CATSPER3: variants seen among roughly 807,000 people sequenced by gnomAD.
CATSPER3 encodes cation channel sperm-associated protein 3.
A neutral mutation model predicts 36.6 loss-of-function variants in CATSPER3; 23 were observed. The observed-to-expected ratio is 0.63, with a 90% CI of 0.45 to 0.89. The LOEUF (loss-of-function observed/expected upper bound fraction) is 0.89. CATSPER3 is among the 40% of genes least tolerant of loss of function. The pLI, the probability that CATSPER3 is intolerant of heterozygous loss-of-function variation, is 0.00. For synonymous variants in CATSPER3, 172 were observed against 184.1 expected, an observed-to-expected ratio of 0.93 and a Z score of 0.53; for missense variants, 474 against 503.9, an observed-to-expected ratio of 0.94 and a Z score of 0.57.
intron 2 of CATSPER3, among the ~76,000 whole-genome samples, chr5:134,977,635 C>G (rs574744788): frequency 2.0e-5 from 3 of 152,302 alleles, no homozygotes; most frequent in South Asian, 2.1e-4. Context: ...TCCATTCTCC[C>G]TGTTACTTAG....
At chr5:134,990,416 A>T (rs1370138828) in intron 2 of CATSPER3, among the ~76,000 whole-genome samples, 1 of 152,170 alleles carries the variant, frequency 6.6e-6, no homozygotes, top group African/African-American at 2.4e-5. Context: ...TAGCGTCTCC[A>T]AAGGTGGCAA....
intron 2 of CATSPER3, among the ~76,000 whole-genome samples, chr5:134,992,287 A>G (rs543507131): frequency 3.3e-5 from 5 of 152,366 alleles, no homozygotes; most frequent in Admixed American, 6.5e-5. Flanking sequence ...AAAGACTTAC[A>G]TAGACATTTC....
At chr5:135,007,714 G>A (rs1752108127) in intron 3 of CATSPER3, among the ~76,000 whole-genome samples, 1 of 152,354 alleles carries the variant, frequency 6.6e-6, no homozygotes, top group Non-Finnish European at 1.5e-5. Context: ...TCAGACACTG[G>A]TAAAGCACTG....
At chr5:134,976,648 G>A (rs969022333) in intron 2 of CATSPER3, among the ~76,000 whole-genome samples, 1 of 152,226 alleles carries the variant, frequency 6.6e-6, no homozygotes. Flanking sequence ...ACTGTGTGGG[G>A]GCTCTAGCCC....
At chr5:134,979,926 C>T (rs1751728274) in intron 2 of CATSPER3, among the ~76,000 whole-genome samples, 1 of 138,058 alleles carries the variant, frequency 7.2e-6, no homozygotes, top group African/African-American at 2.6e-5. Flanking sequence ...TTCCTCCCTC[C>T]CTCCCTCCCA....
chr5:134,989,634 G>A (rs1471386130), intron 2 of CATSPER3, among the ~76,000 whole-genome samples: 1 of 152,158 alleles, frequency 6.6e-6, no homozygotes, highest in African/African-American at 2.4e-5. Flanking sequence ...AGAGAATTAG[G>A]GCCTTGCTCT....
intron 2 of CATSPER3, 39 bp downstream of exon 2, chr5:134,970,131 A>T: frequency 6.3e-7 from 1 of 1,587,552 alleles, no homozygotes; most frequent in Non-Finnish European, 8.6e-7. Flanking sequence ...TCTTTTTTTA[A>T]AACATGCTTT....
intron 2 of CATSPER3, among the ~76,000 whole-genome samples, chr5:134,990,900 G>A (rs1383847351): frequency 1.3e-5 from 2 of 152,116 alleles, no homozygotes; most frequent in South Asian, 4.1e-4. Context: ...AACAAATTCA[G>A]CAAAGTTGCA....
chr5:134,995,994 T>C, intron 2 of CATSPER3: 2 of 513,430 alleles, frequency 3.9e-6, no homozygotes, highest in Non-Finnish European at 3.6e-6. Context: ...AGTTGCAGTA[T>C]GCTAGAGCTT....
chr5:134,993,013 C>T (rs984096296), intron 2 of CATSPER3, among the ~76,000 whole-genome samples: 1 of 152,152 alleles, frequency 6.6e-6, no homozygotes, highest in African/African-American at 2.4e-5. Context: ...GCCTAAATGC[C>T]CATCAACAGA....
At position 135,007,973 on chromosome 5, in the gene CATSPER3, T is replaced by TG; in HGVS notation, c.513dup (p.Gln172AlafsTer35). 1 of 1,614,018 alleles carries TG rather than the reference T, an allele frequency of 6.2e-7. No individual in the cohort carries two copies. Among genetic ancestry groups the TG allele is most frequent in the South Asian group, 1.1e-5 (1 of 91,076 alleles). On this transcript the variant is annotated frameshift_variant, in exon 4 of 8. Transcript: ENST00000282611. LOFTEE classifies it high-confidence loss of function. ...GCCTTGCAGACGCTGATCACCGCCG[T>TG]GGGGCAGACAGTCTACACCGTGGCC...
At chr5:134,988,103 GT>G (rs1751833161) in intron 2 of CATSPER3, among the ~76,000 whole-genome samples, 1 of 152,140 alleles carries the variant, frequency 6.6e-6, no homozygotes, top group Non-Finnish European at 1.5e-5. Flanking sequence ...AAAAGTTAAG[GT>G]TACATTATAC....
At chr5:134,995,922 T>G (rs1306202313) in intron 2 of CATSPER3, 1 of 362,754 alleles carries the variant, frequency 2.8e-6, no homozygotes, top group East Asian at 6.0e-5. Flanking sequence ...TAAAAGTTTG[T>G]ATATTCATGT....
In CATSPER3 at chr5:134,996,335, C is replaced by A. The variant is rs780603109; in HGVS notation, c.315C>A (p.Asp105Glu). Residue 105 changes from aspartate (D) to glutamate (E), a missense_variant, in exon 3 of 8, where the codon GAC (aspartate) becomes GAA (glutamate). Asp to Glu is a conservative substitution (Grantham distance 45). Transcript: ENST00000282611. ...TSELSMKVYVDPINYWKNGYN... is the reference protein window; with the variant it reads ...TSELSMKVYVEPINYWKNGYN... ...AGTTGTCCATGAAGGTCTATGTGGACCCCATCAACTACTGGAAGAACGGCT... is the reference window on the plus strand; with the variant it reads ...AGTTGTCCATGAAGGTCTATGTGGAACCCATCAACTACTGGAAGAACGGCT... 1.2e-6 allele frequency: 2 copies of A among 1,614,128 alleles called. No homozygotes were observed. The highest frequency in any genetic ancestry group is 1.6e-4 in the Middle Eastern group (1 of 6,062).
At chr5:134,995,027 C>A (rs552698202) in intron 2 of CATSPER3, among the ~76,000 whole-genome samples, 25 of 149,118 alleles carry the variant, frequency 1.7e-4, no homozygotes, top group African/African-American at 5.2e-4. Flanking sequence ...CTCTCTTTTT[C>A]CTTCCTTCCT....
intron 2 of CATSPER3, among the ~76,000 whole-genome samples, chr5:134,994,527 A>G (rs1202673654): frequency 6.6e-6 from 1 of 152,270 alleles, no homozygotes; most frequent in Non-Finnish European, 1.5e-5. Flanking sequence ...TTCATATCCT[A>G]CAACGCAGTA....
chr5:134,979,276 A>G (rs1751719569), intron 2 of CATSPER3, among the ~76,000 whole-genome samples: 1 of 152,158 alleles, frequency 6.6e-6, no homozygotes. Flanking sequence ...AGCTGGGACC[A>G]TAGGCATGCA....
chr5:135,004,665 G>A (rs147122985), intron 3 of CATSPER3, among the ~76,000 whole-genome samples: 32 of 152,318 alleles, frequency 2.1e-4, no homozygotes, highest in African/African-American at 5.8e-4. Context: ...GGGGTGAAGA[G>A]GCCTGGCATC....
chr5:134,996,405 T>C lies in CATSPER3; in HGVS notation c.385T>C (p.Tyr129His). 6.2e-7 allele frequency: 1 copy of C among 1,614,256 alleles called. No homozygotes were observed. The highest frequency in any genetic ancestry group is 8.5e-7 in the Non-Finnish European group (1 of 1,180,034). The change falls in exon 3 of 8, where the codon TAT becomes CAT. Residue 129 changes from tyrosine to histidine, a missense_variant. Tyr to His is a moderately conservative substitution (Grantham distance 83). Coordinates refer to ENST00000282611, the MANE Select transcript of CATSPER3 (RefSeq NM_178019.3). ...VIIIIVMFLP[Y>H]ALRQLMGKQF... ...CATTATCATCGTTATGTTTTTACCC[T>C]ATGCCCTCCGCCAGCTCATGGGCAA...
Sources: gnomAD v4.1 joint callset for allele counts (sites outside exome capture counted in the v4.1 genomes callset) on GRCh38, gnomAD v4.1.1 for gene constraint, MANE v1.5 for transcripts, NCBI Gene and HGNC (gene_info 2026-07-23, HGNC 2026-07-21) for gene names.